MZT2B: variants seen among roughly 807,000 people sequenced by gnomAD.
MZT2B encodes mitotic-spindle organizing protein 2B.
MZT2B carries 11 observed loss-of-function variants against 12.1 expected under a neutral mutation model. That is an observed-to-expected ratio of 0.91 (90% CI 0.57 to 1.50). MZT2B has a LOEUF of 1.50. MZT2B is among the 40% of genes most tolerant of loss of function. The pLI, the probability that MZT2B is intolerant of heterozygous loss-of-function variation, is 0.00. For missense variants in MZT2B, 209 were observed against 227.7 expected (o/e 0.92, Z 0.53); for synonymous variants, 85 against 109.5 (o/e 0.78, Z 1.40).
chr2:130,186,492 G>C (rs1039308123), intron 2 of MZT2B, among the ~76,000 whole-genome samples: 9 of 152,236 alleles, frequency 5.9e-5, no homozygotes, highest in African/African-American at 2.2e-4. Flanking sequence ...GTTGTCCAGA[G>C]CATGCATGTA....
intron 2 of MZT2B, 103 bp downstream of exon 2, chr2:130,182,878 T>G (rs990492032): frequency 1.4e-6 from 2 of 1,468,652 alleles, no homozygotes; most frequent in Non-Finnish European, 1.8e-6. Flanking sequence ...GCCAGGCCTG[T>G]CTGTCGGTCT....
chr2:130,182,314 G>A lies in MZT2B; in HGVS notation c.32G>A (p.Gly11Glu). ...GCGCAGGGCGTAGGGCCTGGGCCGGGGTCGGCGGCGCCCCCGGGGCTGGAG... is the reference window on the plus strand; with the variant it reads ...GCGCAGGGCGTAGGGCCTGGGCCGGAGTCGGCGGCGCCCCCGGGGCTGGAG... MAAQGVGPGP[G>E]SAAPPGLEAA... The change falls in exon 1 of 3, where the codon GGG becomes GAG. Residue 11 changes from glycine (G) to glutamate (E), a missense_variant. By Grantham distance (98) the Gly-to-Glu change is moderately conservative (BLOSUM62 -2). Coordinates refer to ENST00000281871, the MANE Select transcript of MZT2B (RefSeq NM_025029.5). 6.6e-7 allele frequency: 1 copy of A among 1,514,430 alleles called. No individual in the cohort carries two copies. The highest frequency in any genetic ancestry group is 8.8e-7 in the Non-Finnish European group (1 of 1,137,950). The allele number at this position is 1,514,430 out of a possible 1,614,324, so 93.8% of individuals were successfully genotyped here.
At chr2:130,190,396 G>A (rs1419980163) in intron 2 of MZT2B, 73 bp from the exon 3 acceptor site, 32 of 1,585,378 alleles carry the variant, frequency 2.0e-5, no homozygotes, top group Non-Finnish European at 2.7e-5. Flanking sequence ...GTTGCCCAAG[G>A]ACCACGAGTA....
chr2:130,190,582 A>G lies in MZT2B; in HGVS notation c.433A>G (p.Lys145Glu), dbSNP rs1690228864. 2.5e-6 allele frequency: 4 copies of G among 1,613,224 alleles called. No individual in the cohort carries two copies. Among genetic ancestry groups the G allele is most frequent in the Non-Finnish European group, 3.4e-6 (4 of 1,179,640 alleles). Residue 145 changes from lysine to glutamate, a missense_variant, in exon 3 of 3, where the codon AAG becomes GAG. Transcript: ENST00000281871. ...PRQPSATRLP[K>E]GGGPGKSPTR... ...CCAGCCCAGCGCTACCAGGCTGCCC[A>G]AGGGGGGCGGGCCTGGGAAGAGCCC...
At chr2:130,190,407 C>T (rs566351785) in intron 2 of MZT2B, 62 bp from the exon 3 acceptor site, 6 of 1,593,042 alleles carry the variant, frequency 3.8e-6, no homozygotes, top group African/African-American at 2.7e-5. Context: ...ACCACGAGTA[C>T]AGCAGGTGCT....
At chr2:130,181,733 G>A (rs1346274890), upstream of MZT2B, 2 of 1,548,870 alleles carry the variant, frequency 1.3e-6, no homozygotes, top group Admixed American at 3.9e-5. Flanking sequence ...CGAGGCAGGA[G>A]TGCGGGGGAG....
At chr2:130,191,276 C>T (rs147121945), downstream of MZT2B, among the ~76,000 whole-genome samples, 7 of 152,298 alleles carry the variant, frequency 4.6e-5, no homozygotes, top group South Asian at 2.1e-4. Context: ...TCCAGGTTAC[C>T]GTGGAGCACT....
At chr2:130,198,614 C>A in the MZT2B span, among the ~76,000 whole-genome samples, 1 of 123,708 alleles carries the variant, frequency 8.1e-6, no homozygotes, top group African/African-American at 2.9e-5. Flanking sequence ...GCAGCGGGGT[C>A]ATCAAAGGCT....
At chr2:130,203,472 G>A in the MZT2B span, among the ~76,000 whole-genome samples, 4 of 152,122 alleles carry the variant, frequency 2.6e-5, no homozygotes, top group East Asian at 7.8e-4. Context: ...CAGATCAGCT[G>A]CAGGGAGGTC....
chr2:130,190,922 C>T (rs1003107553), downstream of MZT2B, among the ~76,000 whole-genome samples: 2 of 152,000 alleles, frequency 1.3e-5, no homozygotes, highest in African/African-American at 4.8e-5. Flanking sequence ...TAGACGTCAA[C>T]AAGCTTCACT....
the MZT2B span, chr2:130,196,396 A>G: frequency 7.5e-6 from 12 of 1,602,768 alleles, no homozygotes; most frequent in Admixed American, 1.2e-4. Context: ...ATAAATGTGA[A>G]CCCATTCATT....
the MZT2B span, chr2:130,198,507 G>C: frequency 9.7e-7 from 1 of 1,027,404 alleles, no homozygotes; most frequent in South Asian, 1.7e-5. Context: ...CGGAGTTCCT[G>C]GGAGGCAGGC....
the MZT2B span, among the ~76,000 whole-genome samples, chr2:130,202,013 G>C: frequency 2.0e-5 from 3 of 152,102 alleles, no homozygotes; most frequent in African/African-American, 7.2e-5. Flanking sequence ...GATTATAAAA[G>C]TAACACATAT....
intron 2 of MZT2B, among the ~76,000 whole-genome samples, chr2:130,189,188 G>A (rs896523315): frequency 3.9e-5 from 6 of 152,158 alleles, no homozygotes; most frequent in Non-Finnish European, 8.8e-5. Context: ...GTACCCTCAC[G>A]AGGGACAGCC....
rs532057442 is a variant in MZT2B, at chr2:130,190,555, C to G, written c.406C>G (p.Arg136Gly). ...CGAAGGATCCAGCCAGAGGATGCCA[C>G]GCCAGCCCAGCGCTACCAGGCTGCC... ...SREGSSQRMP[R>G]QPSATRLPKG... The change falls in exon 3 of 3, where the codon CGC becomes GGC. Residue 136 changes from arginine to glycine, a missense_variant. Coordinates refer to ENST00000281871, the MANE Select transcript of MZT2B (RefSeq NM_025029.5). The G allele has an allele frequency of 5.0e-6, 8 of 1,613,742 alleles. No homozygotes were observed. Among genetic ancestry groups the G allele is most frequent in the Non-Finnish European group, 6.8e-6 (8 of 1,179,970 alleles).
downstream of MZT2B, chr2:130,194,356 G>A (rs746920335): frequency 4.3e-6 from 7 of 1,613,224 alleles, no homozygotes; most frequent in Non-Finnish European, 5.1e-6. Flanking sequence ...TGGACTTCTT[G>A]CTGTAATCCA....
intron 2 of MZT2B, among the ~76,000 whole-genome samples, chr2:130,189,869 C>G (rs1322847139): frequency 1.3e-5 from 2 of 152,182 alleles, no homozygotes; most frequent in Non-Finnish European, 2.9e-5. Flanking sequence ...TGGCAGGAAC[C>G]CTGTCATGGA....
chr2:130,203,563 C>T, the MZT2B span, among the ~76,000 whole-genome samples: 1 of 151,666 alleles, frequency 6.6e-6, no homozygotes, highest in East Asian at 1.9e-4. Flanking sequence ...TGGCCCTCCA[C>T]CCAGGGAGTC....
upstream of MZT2B, chr2:130,181,678 G>C: frequency 6.5e-7 from 1 of 1,549,290 alleles, no homozygotes; most frequent in Non-Finnish European, 8.7e-7. Context: ...ACCTCAAAAG[G>C]CGCGTGCGCA....
Sources: gnomAD v4.1 joint callset for allele counts (sites outside exome capture counted in the v4.1 genomes callset) on GRCh38, gnomAD v4.1.1 for gene constraint, MANE v1.5 for transcripts, NCBI Gene and HGNC (gene_info 2026-07-23, HGNC 2026-07-21) for gene names.